LOXHD1: variants seen among roughly 807,000 people sequenced by gnomAD.
LOXHD1 encodes the protein lipoxygenase homology domain-containing protein 1.
In LOXHD1, 205 loss-of-function variants were observed where a neutral mutation model predicts 248.2. The observed-to-expected ratio is 0.83, with a 90% confidence interval of 0.74 to 0.93. The LOEUF (loss-of-function observed/expected upper bound fraction) is 0.93, where lower values mean the gene tolerates loss of function less well. Among genes scored for constraint, LOXHD1 ranks in the 40% least tolerant of loss-of-function variants. The probability of loss-of-function intolerance (pLI) is 0.00; values close to 1 mark genes in which losing one functional copy is unlikely to be tolerated. For synonymous variants in LOXHD1, 1,113 were observed against 1,162.8 expected (o/e 0.96, Z 0.87); for missense variants, 2,930 against 2,971.6 (o/e 0.99, Z 0.33).
chr18:46,533,741 T>C (rs2036181230), intron 27 of LOXHD1: 2 of 327,164 alleles, frequency 6.1e-6, no homozygotes, highest in Admixed American at 3.8e-5. Context: ...TTGGCCAACA[T>C]GGTGAAACCC....
At chr18:46,503,163 G>T (rs2034342348) in intron 37 of LOXHD1, among the ~76,000 whole-genome samples, 1 of 152,192 alleles carries the variant, frequency 6.6e-6, no homozygotes, top group African/African-American at 2.4e-5. Flanking sequence ...TGTGCTGGTA[G>T]CCAGACAGAG....
chr18:46,507,566 G>C lies in LOXHD1; in HGVS notation c.5664C>G (p.Thr1888=). Residue 1888 remains threonine (T), a synonymous_variant, in exon 36 of 41, where the codon ACC becomes ACG. Coordinates refer to ENST00000642948, the MANE Select transcript of LOXHD1 (RefSeq NM_001384474.1). ...EEEMMEWTSY[T]VAVKTSDILG... is the part of the protein sequence containing the mutation. Reference sequence around the variant, plus strand: ...GGATGTCGCTGGTCTTAACTGCGACGGTGTAGGAGGTCCACTCCATCATTT... The same window carrying C: ...GGATGTCGCTGGTCTTAACTGCGACCGTGTAGGAGGTCCACTCCATCATTT... 6.4e-7 allele frequency: 1 copy of C among 1,551,736 alleles called. No individual in the cohort carries two copies. Among genetic ancestry groups the C allele is most frequent in the Non-Finnish European group, 8.7e-7 (1 of 1,146,994 alleles).
intron 10 of LOXHD1, among the ~76,000 whole-genome samples, chr18:46,593,253 T>G (rs1294359836): frequency 6.6e-6 from 1 of 152,192 alleles, no homozygotes; most frequent in Non-Finnish European, 1.5e-5. Flanking sequence ...ACTCTCTAAA[T>G]CAGTCCATAT....
chr18:46,532,453 T>TGA (rs1351981361), intron 28 of LOXHD1, among the ~76,000 whole-genome samples: 1 of 152,112 alleles, frequency 6.6e-6, no homozygotes, highest in Non-Finnish European at 1.5e-5. Context: ...AAGAGAAGGC[T>TGA]GAGGACTGAG....
chr18:46,477,874 C>T lies in LOXHD1; in HGVS notation c.6420G>A (p.Thr2140=), dbSNP rs1413499501. The T allele has an allele frequency of 4.5e-6, 7 of 1,551,764 alleles. No individual in the cohort carries two copies. The highest frequency in any genetic ancestry group is 4.1e-5 in the African/African-American group (3 of 73,166). ...GGACCTTGCTGGCAAAGCTCTCTGT[C>T]GTCTTGGTAACCTCGAATACCTTGA... ...KYFKVFEVTK[T]TESFASKVQS... The change falls in exon 41 of 41, where the codon ACG becomes ACA. Residue 2140 remains threonine (T), a synonymous_variant. Transcript: ENST00000642948.
intron 18 of LOXHD1, among the ~76,000 whole-genome samples, chr18:46,562,828 T>A (rs925211941): frequency 6.6e-6 from 1 of 152,178 alleles, no homozygotes; most frequent in African/African-American, 2.4e-5. Context: ...CACTTTTTTC[T>A]TAAAGCTCCC....
intron 28 of LOXHD1, among the ~76,000 whole-genome samples, chr18:46,529,831 T>C (rs571424686): frequency 1.3e-5 from 2 of 152,076 alleles, no homozygotes; most frequent in Non-Finnish European, 2.9e-5. Context: ...GTTCATTTAT[T>C]CTCCAACCCA....
In LOXHD1 at chr18:46,477,919, G is replaced by A; in HGVS notation, c.6375C>T (p.Leu2125=). The A allele has an allele frequency of 3.2e-6, 5 of 1,550,682 alleles. No homozygotes were observed. In the South Asian group the frequency reaches 5.9e-5, roughly 18 times the overall value. ...YFFNCDCLIP[L]KRKRKYFKVF... Reference sequence around the variant, plus strand: ...CCTTGAAGTACTTCCTCTTCCTCTTGAGGGGGATGAGGCAGTCACAGTTAA... The same window carrying A: ...CCTTGAAGTACTTCCTCTTCCTCTTAAGGGGGATGAGGCAGTCACAGTTAA... Residue 2125 remains leucine, a synonymous_variant, in exon 41 of 41, where the codon CTC becomes CTT. Coordinates refer to ENST00000642948, the MANE Select transcript of LOXHD1 (RefSeq NM_001384474.1).
intron 35 of LOXHD1, among the ~76,000 whole-genome samples, chr18:46,509,026 TTGG>T (rs1309565799): frequency 6.6e-6 from 1 of 152,192 alleles, no homozygotes; most frequent in Non-Finnish European, 1.5e-5. Context: ...CCTTCCTTTC[TTGG>T]TGGAAACTGA....
chr18:46,559,537 A>T lies in LOXHD1; in HGVS notation c.3127T>A (p.Tyr1043Asn). 6.4e-7 allele frequency: 1 copy of T among 1,551,984 alleles called. No individual in the cohort carries two copies. Among genetic ancestry groups the T allele is most frequent in the South Asian group, 1.2e-5 (1 of 84,068 alleles). The change falls in exon 20 of 41, where the codon TAC (tyrosine) becomes AAC (asparagine). Residue 1043 changes from tyrosine to asparagine, a missense_variant. Transcript: ENST00000642948. ...VPKAGTDANVYLTIYGEEYGD... is the reference protein window; with the variant it reads ...VPKAGTDANVNLTIYGEEYGD... ...TACTCCTCGCCGTAGATGGTTAGGT[A>T]GACGTTAGCATCAGTGCCGGCCTTG...
At position 46,563,098 on chromosome 18, in the gene LOXHD1, T is replaced by G; in HGVS notation, c.2565A>C (p.Lys855Asn). ...TEVLFLSSRS[K>N]VFERASKDTF... The stretch of plus-strand genomic sequence containing the variant: ...TGTCCTTGGACGCCCGTTCAAAAAC[T>G]TTTGAGCGGCTGGAGAGGAAGAGCA... Residue 855 changes from lysine to asparagine, a missense_variant, in exon 18 of 41, where the codon AAA becomes AAC. Physicochemically the swap from Lys to Asn is moderately conservative, Grantham distance 94 (BLOSUM62 0). Transcript: ENST00000642948. 2 of 1,545,650 alleles carry G rather than the reference T, an allele frequency of 1.3e-6. No homozygotes were observed. The highest frequency in any genetic ancestry group is 1.8e-6 in the Non-Finnish European group (2 of 1,141,924).
intron 34 of LOXHD1, among the ~76,000 whole-genome samples, chr18:46,515,853 G>A (rs1028591831): frequency 8.5e-5 from 13 of 152,180 alleles, no homozygotes; most frequent in African/African-American, 2.9e-4. Context: ...CAGGACTTGG[G>A]CAATGGCCCC....
chr18:46,502,268 T>C lies in LOXHD1; in HGVS notation c.5878+3570A>G, dbSNP rs1277097731. Among the ~76,000 whole-genome samples the C allele has an allele frequency of 4.6e-5, 7 of 152,142 alleles. No homozygotes were observed. The East Asian group carries it at 1.3e-3, about 29-fold the overall frequency. ...ATGGTTTGGAAGGAAGGGTACAGTA[T>C]GGAGGCAGGAATGGCTGAAAGGACT... On this transcript the variant is annotated intron_variant, in intron 37 of 40. Transcript: ENST00000642948.
At chr18:46,571,906 CTG>C (rs2037758828) in intron 15 of LOXHD1, among the ~76,000 whole-genome samples, 178 bp downstream of exon 15, 1 of 152,220 alleles carries the variant, frequency 6.6e-6, no homozygotes, top group Non-Finnish European at 1.5e-5. Context: ...CACAAAGAGA[CTG>C]TGTGCAGGAG....
Position 46,536,491 on chromosome 18 carries a change from C to T in LOXHD1, c.4095+1665G>A, listed in dbSNP as rs370471205. ...CCCAGCTCTCACACTCCCCCCAAAT[C>T]CAGAGAGATTTGAAAAGAAAAAAAA... is the stretch of plus-strand genomic sequence containing the variant. On this transcript the variant is annotated intron_variant, in intron 26 of 40. Coordinates refer to ENST00000642948, the MANE Select transcript of LOXHD1 (RefSeq NM_001384474.1). 2.6e-5 allele frequency among the ~76,000 whole-genome samples: 4 copies of T among 152,100 alleles called. No homozygotes were observed. In the East Asian group the frequency reaches 5.8e-4, roughly 22 times the overall value.
intron 12 of LOXHD1, among the ~76,000 whole-genome samples, chr18:46,584,146 A>AG (rs2038016083): frequency 6.6e-6 from 1 of 152,110 alleles, no homozygotes; most frequent in Admixed American, 6.5e-5. Context: ...TTTTAAAAAA[A>AG]AGAGAGAGAG....
chr18:46,524,499 C>T lies in LOXHD1; in HGVS notation c.4843G>A (p.Gly1615Arg), dbSNP rs768835732. The change falls in exon 31 of 41, where the codon GGG becomes AGG. Residue 1615 changes from glycine (G) to arginine (R), a missense_variant. By Grantham distance (125) the Gly-to-Arg change is moderately radical (BLOSUM62 -2). Transcript: ENST00000642948. ...MADVDISTVT[G>R]PMADYVQEGP... is the part of the protein sequence containing the mutation. Reference sequence around the variant, plus strand: ...TCTTGAACGTAGTCAGCCATGGGCCCGGTCACTGTGCTGATGTCGACATCG... The same window carrying T: ...TCTTGAACGTAGTCAGCCATGGGCCTGGTCACTGTGCTGATGTCGACATCG... 16 of 1,551,594 alleles carry T rather than the reference C, an allele frequency of 1.0e-5. No individual in the cohort carries two copies. Among genetic ancestry groups the T allele is most frequent in the South Asian group, 3.6e-5 (3 of 84,064 alleles).
At chr18:46,531,434 T>C (rs867568651) in intron 28 of LOXHD1, among the ~76,000 whole-genome samples, 20 of 152,146 alleles carry the variant, frequency 1.3e-4, no homozygotes, top group Non-Finnish European at 2.9e-5. Flanking sequence ...TCATCCATTT[T>C]CTAGCTGTGC....
At chr18:46,509,320 G>A (rs567715863) in intron 35 of LOXHD1, among the ~76,000 whole-genome samples, 1 of 152,192 alleles carries the variant, frequency 6.6e-6, no homozygotes, top group East Asian at 1.9e-4. Flanking sequence ...TAAGCTTTCT[G>A]CCATCCTGCC....
Sources: gnomAD v4.1 joint callset for allele counts (sites outside exome capture counted in the v4.1 genomes callset) on GRCh38, gnomAD v4.1.1 for gene constraint, MANE v1.5 for transcripts, NCBI Gene and HGNC (gene_info 2026-07-23, HGNC 2026-07-21) for gene names.